APEX2: variants seen among roughly 807,000 people sequenced by gnomAD.
APEX2 encodes DNA-(apurinic or apyrimidinic site) endonuclease 2.
A neutral mutation model predicts 16.7 loss-of-function variants in APEX2; 4 were observed. The observed-to-expected ratio is 0.24, with a 90% confidence interval of 0.12 to 0.55. APEX2 has a LOEUF of 0.55. APEX2 is among the 20% of genes least tolerant of loss of function. The pLI is 0.94. For missense variants in APEX2, 357 were observed against 433.6 expected, an observed-to-expected ratio of 0.82 and a Z score of 1.57; for synonymous variants, 181 against 166.9, an observed-to-expected ratio of 1.08 and a Z score of -0.65.
At position 55,004,292 on chromosome X, in the gene APEX2, G is replaced by A. The variant is rs369022492; in HGVS notation, c.639+424G>A. Among the ~76,000 whole-genome samples, 9 of 112,893 alleles carry A rather than the reference G, an allele frequency of 8.0e-5. No homozygotes were observed. The South Asian group carries it at 2.9e-3, about 36-fold the overall frequency. Reference sequence around the variant, plus strand: ...ATGGCTGAATCTTAACAGATGAGTAGAACAGAGCTTTGAAGTAGAAAGCAT... The same window carrying A: ...ATGGCTGAATCTTAACAGATGAGTAAAACAGAGCTTTGAAGTAGAAAGCAT... On this transcript the variant is annotated intron_variant, in intron 5 of 5. Transcript: ENST00000374987.
At chrX:55,005,760 G>A (rs766063040) in intron 5 of APEX2, among the ~76,000 whole-genome samples, 49 of 109,974 alleles carry the variant, frequency 4.5e-4, no homozygotes, top group Non-Finnish European at 9.1e-4. Context: ...CCCTCCACAG[G>A]CCCAGCACAG....
In APEX2 at chrX:55,001,542, C is replaced by T; in HGVS notation, c.158-4C>T. 4 of 1,173,464 alleles carry T rather than the reference C, an allele frequency of 3.4e-6. No individual in the cohort carries two copies. Among genetic ancestry groups the T allele is most frequent in the Admixed American group, 2.5e-5 (1 of 40,296 alleles). On this transcript the variant is annotated splice_polypyrimidine_tract_variant and splice_region_variant and intron_variant, in intron 1 of 5. Coordinates refer to ENST00000374987, the MANE Select transcript of APEX2 (RefSeq NM_014481.4). ...TGACTTAATCTTACATTTTTTTTTT[C>T]CAGGGGATGCACTGACAGAGCCCCT...
rs752060931 is a variant in APEX2 at position 55,000,478 on chromosome X, T to C, written c.56T>C (p.Val19Ala). The change falls in exon 1 of 6, where the codon GTG becomes GCG. Residue 19 changes from valine (V) to alanine (A), a missense_variant. Physicochemically the swap from Val to Ala is moderately conservative, Grantham distance 64. Transcript: ENST00000374987. ...GGGATTCGGAGACCCCTGCAAGGGG[T>C]GGCAAATCAGGAACCCAGCAACTGT... The part of the protein sequence containing the change: ...INGIRRPLQG[V>A]ANQEPSNCAA... 7 of 1,203,507 alleles carry C rather than the reference T, an allele frequency of 5.8e-6. No individual in the cohort carries two copies. In the East Asian group the frequency reaches 2.1e-4, roughly 36 times the overall value.
rs773098384 is a variant in APEX2, at chrX:55,006,820, C to T, written c.942C>T (p.Ser314=). 1.7e-6 allele frequency: 2 copies of T among 1,211,857 alleles called. No homozygotes were observed. The highest frequency in any genetic ancestry group is 3.5e-5 in the South Asian group (2 of 56,945). ...HCPVGAVLSV[S]SVPAKQCPPL... ...CTGTGGGTGCAGTCTTGAGTGTGTC[C>T]TCTGTGCCTGCAAAACAGTGCCCAC... Residue 314 remains serine (S), a synonymous_variant, in exon 6 of 6, where the codon TCC becomes TCT. Coordinates refer to ENST00000374987, the MANE Select transcript of APEX2 (RefSeq NM_014481.4).
intron 2 of APEX2, among the ~76,000 whole-genome samples, chrX:55,002,011 GATA>G (rs943015590): frequency 1.8e-5 from 2 of 112,228 alleles, no homozygotes; most frequent in Admixed American, 1.9e-4. Flanking sequence ...TAATCCATGT[GATA>G]ATAATAATTG....
At position 55,007,453 on chromosome X, in the gene APEX2, GA is replaced by G. The variant is rs1935521902; in HGVS notation, c.*19del. On this transcript the variant is annotated 3_prime_UTR_variant, in exon 6 of 6. Transcript: ENST00000374987. ...CCAGCTGAACCAATGGAGGCCTGGG[GA>G]CATCTGGCATGGTCACCCCTGCACA... The G allele has an allele frequency of 5.3e-6, 6 of 1,132,049 alleles. No individual in the cohort carries two copies. Among genetic ancestry groups the G allele is most frequent in the Non-Finnish European group, 7.0e-6 (6 of 855,235 alleles). The allele number at this position is 1,132,049 out of a possible 1,213,427, so 93.3% of individuals were successfully genotyped here. A position where few individuals can be genotyped will look rare whatever the true frequency, so the allele number is the denominator to read the frequency against.
chrX:55,005,742 A>G (rs1329105984), intron 5 of APEX2, among the ~76,000 whole-genome samples: 1 of 110,179 alleles, frequency 9.1e-6, no homozygotes, highest in Admixed American at 9.7e-5. Context: ...TTGGGTACGC[A>G]GCACACTCCC....
rs1935453085 is a variant in APEX2 at position 55,002,234 on chromosome X, G to A, written c.242-17G>A. 1.7e-6 allele frequency: 2 copies of A among 1,176,310 alleles called. No homozygotes were observed. Among genetic ancestry groups the A allele is most frequent in the African/African-American group, 3.5e-5 (2 of 56,401 alleles). ...ATTGACTGCCAGGTCTGCTCAGAGT[G>A]CCCTGTCTGTTCCCAGGTGTAGCCA... On this transcript the variant is annotated splice_polypyrimidine_tract_variant and intron_variant, in intron 2 of 5. Transcript: ENST00000374987.
In APEX2 at chrX:55,007,494, C is replaced by G; in HGVS notation, c.*59C>G. 2 of 1,065,665 alleles carry G rather than the reference C, an allele frequency of 1.9e-6. No individual in the cohort carries two copies. Among genetic ancestry groups the G allele is most frequent in the African/African-American group, 1.9e-5 (1 of 53,075 alleles). 87.8% of individuals were successfully genotyped at this position (1,065,665 alleles called of 1,213,427 possible). A position where few individuals can be genotyped will look rare whatever the true frequency, so the allele number is the denominator to read the frequency against. Reference sequence around the variant, plus strand: ...ACCCCTGCACATGATCTGAGGCCAGCTCCCCTTCCCTGAGCTGCCTCCTGC... The same window carrying G: ...ACCCCTGCACATGATCTGAGGCCAGGTCCCCTTCCCTGAGCTGCCTCCTGC... On this transcript the variant is annotated 3_prime_UTR_variant, in exon 6 of 6. Transcript: ENST00000374987.
At chrX:55,001,362 A>G (rs1935439532) in intron 1 of APEX2, among the ~76,000 whole-genome samples, 184 bp from the exon 2 acceptor site, 1 of 111,114 alleles carries the variant, frequency 9.0e-6, no homozygotes. Flanking sequence ...TTCTGATATC[A>G]ATTTCCTCTC....
rs1034209675 is a variant in APEX2, at chrX:55,003,971, A to G, written c.639+103A>G. 2.0e-5 allele frequency: 15 copies of G among 749,418 alleles called. No homozygotes were observed. In the African/African-American group the frequency reaches 2.9e-4, roughly 15 times the overall value. The allele number at this position is 749,418 out of a possible 1,213,427, so 61.8% of individuals were successfully genotyped here. A position where few individuals can be genotyped will look rare whatever the true frequency, so the allele number is the denominator to read the frequency against. On this transcript the variant is annotated intron_variant, in intron 5 of 5. Coordinates refer to ENST00000374987, the MANE Select transcript of APEX2 (RefSeq NM_014481.4). Reference sequence around the variant, plus strand: ...CCAGGGACAGCTTCCTTTATGGGAAAGCGGAGCTTGGCTTGCAATACTATT... The same window carrying G: ...CCAGGGACAGCTTCCTTTATGGGAAGGCGGAGCTTGGCTTGCAATACTATT...
In APEX2 at chrX:55,006,614, A is replaced by T. The variant is rs765080268; in HGVS notation, c.736A>T (p.Ser246Cys). 3 of 1,148,576 alleles carry T rather than the reference A, an allele frequency of 2.6e-6. No individual in the cohort carries two copies. The highest frequency in any genetic ancestry group is 3.5e-6 in the Non-Finnish European group (3 of 864,483). The allele number at this position is 1,148,576 out of a possible 1,213,427, so 94.7% of individuals were successfully genotyped here. A position where few individuals can be genotyped will look rare whatever the true frequency, so the allele number is the denominator to read the frequency against. The change falls in exon 6 of 6, where the codon AGC (serine) becomes TGC (cysteine). Residue 246 changes from serine to cysteine, a missense_variant. Physicochemically the swap from Ser to Cys is moderately radical, Grantham distance 112 (BLOSUM62 -1). Coordinates refer to ENST00000374987, the MANE Select transcript of APEX2 (RefSeq NM_014481.4). ...CTCTCATGTAGGGCCCTTCATCGAT[A>T]GCTACCGCTGCTTCCAACCAAAGCA... ...SASHVGPFIDSYRCFQPKQEG... is the reference protein window; with the variant it reads ...SASHVGPFIDCYRCFQPKQEG...
Position 55,008,890 on chromosome X carries a change from A to G in APEX2, c.*1455A>G. On this transcript the variant is annotated 3_prime_UTR_variant, in exon 6 of 6. Coordinates refer to ENST00000374987, the MANE Select transcript of APEX2 (RefSeq NM_014481.4). ...CAAGTATCCTAGCTCTTTGCAACTCACTGTGTAGTTTTTGGGCATTTCCTT... is the reference window on the plus strand; with the variant it reads ...CAAGTATCCTAGCTCTTTGCAACTCGCTGTGTAGTTTTTGGGCATTTCCTT... 3.0e-6 allele frequency: 1 copy of G among 331,722 alleles called. No individual in the cohort carries two copies. The highest frequency in any genetic ancestry group is 5.2e-5 in the East Asian group (1 of 19,253). 27.3% of individuals were successfully genotyped at this position (331,722 alleles called of 1,213,427 possible).
chrX:55,001,674 A>C, intron 2 of APEX2, 45 bp downstream of exon 2: 1 of 1,058,496 alleles, frequency 9.4e-7, no homozygotes, highest in Non-Finnish European at 1.3e-6. Context: ...AGGGAGGCAG[A>C]TAGGGGAAAA....
At chrX:55,002,794 T>G (rs2146706838) in intron 3 of APEX2, among the ~76,000 whole-genome samples, 168 bp from the exon 4 acceptor site, 1 of 112,227 alleles carries the variant, frequency 8.9e-6, no homozygotes, top group South Asian at 3.7e-4. Flanking sequence ...TCTCCCTGCC[T>G]TATCAGTAGT....
intron 5 of APEX2, among the ~76,000 whole-genome samples, chrX:55,004,242 C>T (rs749502782): frequency 2.7e-4 from 30 of 112,573 alleles, no homozygotes; most frequent in Non-Finnish European, 3.9e-4. Flanking sequence ...TAGGTGAGCT[C>T]GGACATCAGG....
At position 55,009,028 on chromosome X, in the gene APEX2, G is replaced by A; in HGVS notation, c.*1593G>A. The A allele has an allele frequency of 1.4e-6, 1 of 729,605 alleles. No homozygotes were observed. The highest frequency in any genetic ancestry group is 2.7e-5 in the South Asian group (1 of 36,575). 60.1% of individuals were successfully genotyped at this position (729,605 alleles called of 1,213,427 possible). The stretch of plus-strand genomic sequence containing the variant: ...TGAGGGAGTCAGAATGCACTTGTCT[G>A]TTCCCTGTCCAATAAAAGGCTTCAC... On this transcript the variant is annotated 3_prime_UTR_variant, in exon 6 of 6. Transcript: ENST00000374987.
Position 55,007,100 on chromosome X carries a change from C to T in APEX2, c.1222C>T (p.Pro408Ser). The T allele has an allele frequency of 8.3e-7, 1 of 1,211,925 alleles. No individual in the cohort carries two copies. Among genetic ancestry groups the T allele is most frequent in the East Asian group, 3.0e-5 (1 of 33,830 alleles). ...CTCCCCTAGCTGTCCCCAAGCCTCT[C>T]CTGACATAGAGCTGCCTAGCCTACC... ...QPSPSCPQASPDIELPSLPLM... is the reference protein window; with the variant it reads ...QPSPSCPQASSDIELPSLPLM... The change falls in exon 6 of 6, where the codon CCT becomes TCT. Residue 408 changes from proline to serine, a missense_variant. Pro to Ser is a moderately conservative substitution (Grantham distance 74). Coordinates refer to ENST00000374987, the MANE Select transcript of APEX2 (RefSeq NM_014481.4).
intron 3 of APEX2, 102 bp from the exon 4 acceptor site, chrX:55,002,860 T>G: frequency 1.0e-6 from 1 of 974,070 alleles, no homozygotes; most frequent in Non-Finnish European, 1.4e-6. Flanking sequence ...CCCCTTTCTT[T>G]TCCATCCCAG....
Sources: gnomAD v4.1 joint callset for allele counts (sites outside exome capture counted in the v4.1 genomes callset) on GRCh38, gnomAD v4.1.1 for gene constraint, MANE v1.5 for transcripts, NCBI Gene and HGNC (gene_info 2026-07-23, HGNC 2026-07-21) for gene names.